FAM13A: variants seen among roughly 807,000 people sequenced by gnomAD.
The protein encoded by FAM13A is protein FAM13A.
A neutral mutation model predicts 129.6 loss-of-function variants in FAM13A; 76 were observed. The ratio of observed to expected loss-of-function variants is 0.59; its 90% CI spans 0.49 to 0.71. The LOEUF is 0.71. Among genes scored for constraint, FAM13A ranks in the 30% least tolerant of loss-of-function variants. The pLI, the probability that FAM13A is intolerant of heterozygous loss-of-function variation, is 0.00. For synonymous variants in FAM13A, 443 were observed against 449.9 expected, an observed-to-expected ratio of 0.98 and a Z score of 0.20; for missense variants, 1,108 against 1,249.3, an observed-to-expected ratio of 0.89 and a Z score of 1.70.
At chr4:88,887,837 T>G (rs938985082) in intron 6 of FAM13A, among the ~76,000 whole-genome samples, 2 of 152,166 alleles carry the variant, frequency 1.3e-5, no homozygotes, top group African/African-American at 4.8e-5. Context: ...CTGGTCCATA[T>G]GTGCCTTTCT....
chr4:88,964,585 A>C (rs2148927246), intron 4 of FAM13A, among the ~76,000 whole-genome samples: 1 of 151,968 alleles, frequency 6.6e-6, no homozygotes, highest in Non-Finnish European at 1.5e-5. Context: ...CACATAATGA[A>C]TCATAAACTA....
chr4:88,816,225 T>C (rs17014620), intron 7 of FAM13A, among the ~76,000 whole-genome samples: 12,716 of 152,114 alleles, frequency 0.084, 718 homozygotes, highest in African/African-American at 0.15. Flanking sequence ...CTAAAAACTA[T>C]TTCCTCTTTC....
At chr4:88,986,426 G>A (rs1454151384) in intron 4 of FAM13A, among the ~76,000 whole-genome samples, 2 of 152,164 alleles carry the variant, frequency 1.3e-5, no homozygotes, top group Non-Finnish European at 2.9e-5. Flanking sequence ...GAGCCACCGC[G>A]CCCGACCAAT....
At chr4:88,731,849 G>A in intron 22 of FAM13A, 153 bp downstream of exon 22, 1 of 647,148 alleles carries the variant, frequency 1.5e-6, no homozygotes, top group South Asian at 2.5e-5. Context: ...TATAAAAAAA[G>A]AAATTTTTTA....
At chr4:88,854,734 G>T (rs571731546) in intron 6 of FAM13A, among the ~76,000 whole-genome samples, 1 of 152,188 alleles carries the variant, frequency 6.6e-6, no homozygotes, top group African/African-American at 2.4e-5. Flanking sequence ...ATCTCAAAAA[G>T]AATACATTCC....
chr4:88,920,401 G>A (rs1198627910), intron 5 of FAM13A, among the ~76,000 whole-genome samples: 35 of 152,264 alleles, frequency 2.3e-4, no homozygotes, highest in Non-Finnish European at 4.3e-4. Context: ...ACGAAAATCC[G>A]CTGTTCTGCA....
At chr4:88,937,011 G>C (rs894306888) in intron 5 of FAM13A, 1 of 152,192 alleles carries the variant, frequency 6.6e-6, no homozygotes, top group East Asian at 1.9e-4. Context: ...AGGCAAAACT[G>C]AAGTAATGTT....
At chr4:88,962,476 CAG>C (rs529883873) in intron 4 of FAM13A, among the ~76,000 whole-genome samples, 153 of 152,210 alleles carry the variant, frequency 1.0e-3, no homozygotes, top group African/African-American at 3.5e-3. Flanking sequence ...GTGGGAAAAA[CAG>C]AGAGTTTCAC....
chr4:88,947,251 A>G (rs1181056791), intron 4 of FAM13A, among the ~76,000 whole-genome samples: 1 of 152,130 alleles, frequency 6.6e-6, no homozygotes, highest in Non-Finnish European at 1.5e-5. Context: ...TCTACCAAAA[A>G]ATATAAAAAC....
intron 7 of FAM13A, among the ~76,000 whole-genome samples, chr4:88,820,673 T>C (rs1731720425): frequency 6.6e-6 from 1 of 152,188 alleles, no homozygotes; most frequent in Non-Finnish European, 1.5e-5. Context: ...AGTGTTTCTC[T>C]ACGAGTGGAC....
At chr4:88,932,263 T>C (rs1753145206) in intron 5 of FAM13A, among the ~76,000 whole-genome samples, 1 of 152,230 alleles carries the variant, frequency 6.6e-6, no homozygotes, top group African/African-American at 2.4e-5. Context: ...TCTTAAGCAA[T>C]TTATCATTAC....
chr4:89,056,932 A>C lies in FAM13A; in HGVS notation c.27+6T>G. 6.2e-7 allele frequency: 1 copy of C among 1,613,652 alleles called. No homozygotes were observed. ...ACACAGAAGACAGAAGAAGGCCTAT[A>C]CTTACACAGATGGCTAGAGCTCCTG... On this transcript the variant is annotated splice_donor_region_variant and intron_variant, in intron 1 of 23. Transcript: ENST00000264344.
chr4:88,941,865 G>A (rs1046607948), intron 4 of FAM13A, among the ~76,000 whole-genome samples: 18 of 152,200 alleles, frequency 1.2e-4, no homozygotes, highest in Admixed American at 1.0e-3. Context: ...AGAGTCATTG[G>A]CAAAAAAAGA....
chr4:88,898,690 G>T (rs758376922), intron 6 of FAM13A, among the ~76,000 whole-genome samples: 19 of 151,750 alleles, frequency 1.3e-4, no homozygotes, highest in Non-Finnish European at 2.4e-4. Context: ...CAAAAAAGTT[G>T]GGAGAATATA....
chr4:88,943,886 T>G (rs1473864319), intron 4 of FAM13A, among the ~76,000 whole-genome samples: 2 of 152,196 alleles, frequency 1.3e-5, no homozygotes, highest in Non-Finnish European at 1.5e-5. Flanking sequence ...TTTTTCAGAC[T>G]GAAGGACACA....
intron 7 of FAM13A, among the ~76,000 whole-genome samples, chr4:88,836,425 G>C (rs908020284): frequency 6.6e-6 from 1 of 152,134 alleles, no homozygotes; most frequent in African/African-American, 2.4e-5. Flanking sequence ...AGACTCTCTT[G>C]GGAGGATCTG....
chr4:88,979,260 C>G (rs776712046), intron 4 of FAM13A, among the ~76,000 whole-genome samples: 1 of 152,218 alleles, frequency 6.6e-6, no homozygotes, highest in African/African-American at 2.4e-5. Context: ...ACAGCATGAA[C>G]TGGTGTGACC....
chr4:88,897,624 C>T (rs564754792), intron 6 of FAM13A, among the ~76,000 whole-genome samples: 2 of 152,038 alleles, frequency 1.3e-5, no homozygotes, highest in Non-Finnish European at 2.9e-5. Context: ...ACGGCTGTAA[C>T]TAAAGATGTC....
intron 3 of FAM13A, among the ~76,000 whole-genome samples, chr4:88,999,309 C>T (rs1431818225): frequency 6.6e-6 from 1 of 152,010 alleles, no homozygotes; most frequent in Non-Finnish European, 1.5e-5. Context: ...ATAAAATAGT[C>T]TAAATTATAA....
Sources: gnomAD v4.1 joint callset for allele counts (sites outside exome capture counted in the v4.1 genomes callset) on GRCh38, gnomAD v4.1.1 for gene constraint, MANE v1.5 for transcripts, NCBI Gene and HGNC (gene_info 2026-07-23, HGNC 2026-07-21) for gene names.